Variants in TNRC18 observed in about 807,000 individuals in gnomAD.
TNRC18 encodes trinucleotide repeat containing 18.
Under a neutral mutation model 226.7 loss-of-function variants are expected in TNRC18, and 69 were observed. The ratio of observed to expected loss-of-function variants is 0.30; its 90% CI spans 0.25 to 0.37. TNRC18 has a LOEUF of 0.37. Among genes scored for constraint, TNRC18 ranks in the 10% least tolerant of loss-of-function variants. The probability of loss-of-function intolerance (pLI) is 1.00; values close to 1 mark genes in which losing one functional copy is unlikely to be tolerated. For synonymous variants in TNRC18, 2,449 were observed against 1,927.6 expected (o/e 1.27, Z -7.09); for missense variants, 4,754 against 4,256.6 (o/e 1.12, Z -3.25).
Position 5,370,908 on chromosome 7 carries a change from C to T in TNRC18, c.3686G>A (p.Arg1229Gln), listed in dbSNP as rs771867584. ...TTCTGTCCGGCCCGGGGAATCCACC[C>T]GTGGTTCAGGCCCCTCCACAAAGTC... ...CPDFVEGPEP[R>Q]VDSPGRTEPC... The change falls in exon 11 of 30, where the codon CGG becomes CAG. Residue 1229 changes from arginine to glutamine, a missense_variant. Arg to Gln is a conservative substitution (Grantham distance 43). Transcript: ENST00000430969. 1.2e-6 allele frequency: 2 copies of T among 1,605,904 alleles called. No homozygotes were observed. Among genetic ancestry groups the T allele is most frequent in the South Asian group, 1.1e-5 (1 of 91,080 alleles).
Position 5,377,312 on chromosome 7 carries a change from A to ACCCCCCCCCCCCCCCCCCC in TNRC18, c.2461+58_2461+59insGGGGGGGGGGGGGGGGGGG. 1 of 1,295,732 alleles carries ACCCCCCCCCCCCCCCCCCC rather than the reference A, an allele frequency of 7.7e-7. No homozygotes were observed. Among genetic ancestry groups the ACCCCCCCCCCCCCCCCCCC allele is most frequent in the Non-Finnish European group, 1.1e-6 (1 of 951,902 alleles). 80.3% of individuals were successfully genotyped at this position (1,295,732 alleles called of 1,614,324 possible). ...AGCCAGCCCTGAGCTCTTGTCCTGC[A>ACCCCCCCCCCCCCCCCCCC]CCCGCCCCCTCCCACCCCTCCCTCA... On this transcript the variant is annotated intron_variant, in intron 7 of 29. Transcript: ENST00000430969. The surrounding 1 kb of genome is among the most constrained non-coding windows in gnomAD (Gnocchi z 5.8).
chr7:5,388,883 C>A lies in TNRC18; in HGVS notation c.941G>T (p.Gly314Val). 7.4e-7 allele frequency: 1 copy of A among 1,343,084 alleles called. No homozygotes were observed. 83.2% of individuals were successfully genotyped at this position (1,343,084 alleles called of 1,614,324 possible). ...GAKEAARQDE[G>V]ARLLRRTETL... ...CTCCGTGCGCCGCAGCAGCCGCGCG[C>A]CCTCGTCCTGCCGGGCAGCCTCCTT... Residue 314 changes from glycine to valine, a missense_variant, in exon 5 of 30, where the codon GGC (glycine) becomes GTC (valine). Gly to Val is a moderately radical substitution (Grantham distance 109). Transcript: ENST00000430969.
intron 3 of TNRC18, among the ~76,000 whole-genome samples, chr7:5,391,838 A>G (rs1257974821): frequency 1.1e-5 from 1 of 94,388 alleles, no homozygotes; most frequent in Non-Finnish European, 1.9e-5. Context: ...CTCTATTTAA[A>G]AAAAAAAAAA....
chr7:5,402,989 G>A (rs144873684), intron 2 of TNRC18, among the ~76,000 whole-genome samples: 246 of 152,084 alleles, frequency 1.6e-3, no homozygotes, highest in Middle Eastern at 6.8e-3. Context: ...CTGTCAACGG[G>A]GAGAGGGATT....
intron 2 of TNRC18, among the ~76,000 whole-genome samples, chr7:5,396,597 G>A (rs1038062823): frequency 1.6e-4 from 25 of 152,172 alleles, no homozygotes; most frequent in Admixed American, 1.3e-4. Flanking sequence ...ACCAGGCACC[G>A]TGCAGCTGAT....
chr7:5,315,061 C>T lies in TNRC18; in HGVS notation c.6950G>A (p.Gly2317Asp). The change falls in exon 26 of 30, where the codon GGT (glycine) becomes GAT (aspartate). Residue 2317 changes from glycine (G) to aspartate (D), a missense_variant. Physicochemically the swap from Gly to Asp is moderately conservative, Grantham distance 94. Transcript: ENST00000430969. ...TGGCTCCTCCGACCCAGCCGTGCCA[C>T]CATCTTTGCCCTCCCCAGTGTCTTT... ...TSKDTGEGKD[G>D]GTAGSEEPGA... The T allele has an allele frequency of 1.2e-6, 2 of 1,611,726 alleles. No individual in the cohort carries two copies. The highest frequency in any genetic ancestry group is 8.5e-7 in the Non-Finnish European group (1 of 1,179,214).
In TNRC18 at chr7:5,324,227, C is replaced by A; in HGVS notation, c.6429G>T (p.Arg2143=). Residue 2143 remains arginine (R), a synonymous_variant, in exon 21 of 30, where the codon CGG becomes CGT. Coordinates refer to ENST00000430969, the MANE Select transcript of TNRC18 (RefSeq NM_001080495.3). This position sits in a 1 kb window ranked among gnomAD's most constrained non-coding sequence, Gnocchi z 4.8. ...EHLPRGGAVE[R]PLTPAPRSCI... The stretch of plus-strand genomic sequence containing the variant: ...ACGGCCACTCACCCGGGGTCAGCGG[C>A]CGCTCCACAGCCCCGCCACGCGGCA... 6.2e-7 allele frequency: 1 copy of A among 1,606,872 alleles called. No individual in the cohort carries two copies. The highest frequency in any genetic ancestry group is 8.5e-7 in the Non-Finnish European group (1 of 1,177,882).
intron 19 of TNRC18, among the ~76,000 whole-genome samples, chr7:5,329,256 T>TCTCAG (rs1789258401): frequency 6.7e-6 from 1 of 149,552 alleles, no homozygotes; most frequent in Non-Finnish European, 1.5e-5. Flanking sequence ...CGAGCCAAGA[T>TCTCAG]CTCACCACTG....
rs747318026 is a variant in TNRC18 at position 5,313,696 on chromosome 7, C to G, written c.7195G>C (p.Ala2399Pro). 6.3e-7 allele frequency: 1 copy of G among 1,599,736 alleles called. No individual in the cohort carries two copies. Residue 2399 changes from alanine (A) to proline (P), a missense_variant, in exon 27 of 30, where the codon GCA becomes CCA. Ala to Pro is a conservative substitution (Grantham distance 27, BLOSUM62 -1). Transcript: ENST00000430969. ...ARPAPPQPSP[A>P]PPAFTSCPAP... The stretch of plus-strand genomic sequence containing the variant: ...GGGCAGCTGGTGAAGGCGGGTGGTG[C>G]GGGACTGGGCTGCGGCGGTGCCGGG...
intron 11 of TNRC18, among the ~76,000 whole-genome samples, chr7:5,369,789 G>T (rs925498021): frequency 6.6e-6 from 1 of 152,180 alleles, no homozygotes; most frequent in Non-Finnish European, 1.5e-5. Flanking sequence ...TGCAACCCAA[G>T]AAATCCTGCT....
chr7:5,416,129 A>T (rs1353371176), intron 2 of TNRC18, among the ~76,000 whole-genome samples: 1 of 134,274 alleles, frequency 7.4e-6, no homozygotes, highest in Non-Finnish European at 1.6e-5. Context: ...AAAAAAAAAA[A>T]ATCAGCCAAG....
intron 2 of TNRC18, among the ~76,000 whole-genome samples, chr7:5,412,109 A>G (rs1781879300): frequency 6.6e-6 from 1 of 152,010 alleles, no homozygotes; most frequent in African/African-American, 2.4e-5. Flanking sequence ...GGCTCATTTG[A>G]GCCCAGGAGG....
intron 18 of TNRC18, among the ~76,000 whole-genome samples, chr7:5,334,440 G>A (rs1369127916): frequency 1.3e-5 from 2 of 150,788 alleles, no homozygotes; most frequent in Admixed American, 6.7e-5. Flanking sequence ...GGGACTACAG[G>A]TGCCCGCCAC....
intron 2 of TNRC18, among the ~76,000 whole-genome samples, chr7:5,408,716 G>A (rs1781647008): frequency 6.6e-6 from 1 of 152,176 alleles, no homozygotes; most frequent in African/African-American, 2.4e-5. Context: ...CTGGCACAGT[G>A]GAGAGTGGGG....
chr7:5,404,459 A>C (rs1781330183), intron 2 of TNRC18, among the ~76,000 whole-genome samples: 1 of 152,220 alleles, frequency 6.6e-6, no homozygotes, highest in Non-Finnish European at 1.5e-5. Flanking sequence ...TAGCATTACA[A>C]AGAAGTATTG....
Position 5,312,863 on chromosome 7 carries a change from G to A in TNRC18, c.8028C>T (p.Asp2676=). The change falls in exon 27 of 30, where the codon GAC becomes GAT. Residue 2676 remains aspartate, a synonymous_variant. Transcript: ENST00000430969. The surrounding 1 kb of genome is among the most constrained non-coding windows in gnomAD (Gnocchi z 6.3). ...CCTCATCGTCCGAGCTGCAGGAAGA[G>A]TCCTCGTCTGTGGTGGAGGAAGAAG... is the stretch of plus-strand genomic sequence containing the variant. ...SSSSSSTTDE[D]SSCSSDDEAA... is the part of the protein sequence containing the mutation. 1 of 1,528,136 alleles carries A rather than the reference G, an allele frequency of 6.5e-7. No individual in the cohort carries two copies. Among genetic ancestry groups the A allele is most frequent in the South Asian group, 1.3e-5 (1 of 76,982 alleles). The allele number at this position is 1,528,136 out of a possible 1,614,324, so 94.7% of individuals were successfully genotyped here.
chr7:5,315,247 A>T (rs1280894080), intron 25 of TNRC18, 99 bp from the exon 26 acceptor site: 1 of 1,318,734 alleles, frequency 7.6e-7, no homozygotes, highest in Admixed American at 2.7e-5. Flanking sequence ...TGGGGGCGGA[A>T]GCAACCGACA....
Position 5,308,082 on chromosome 7 carries a change from G to T in TNRC18, c.*24C>A. 6.5e-7 allele frequency: 1 copy of T among 1,540,156 alleles called. No individual in the cohort carries two copies. Among genetic ancestry groups the T allele is most frequent in the Non-Finnish European group, 8.8e-7 (1 of 1,139,782 alleles). On this transcript the variant is annotated 3_prime_UTR_variant, in exon 30 of 30. Coordinates refer to ENST00000430969, the MANE Select transcript of TNRC18 (RefSeq NM_001080495.3). ...GGTCCCTGGCCGCCCTCGGGGCACAGGTGGCCCGCAGGGCCCGGCGGGCTC... is the reference window on the plus strand; with the variant it reads ...GGTCCCTGGCCGCCCTCGGGGCACATGTGGCCCGCAGGGCCCGGCGGGCTC...
At chr7:5,340,749 A>G (rs1055270775) in intron 18 of TNRC18, among the ~76,000 whole-genome samples, 13 of 148,996 alleles carry the variant, frequency 8.7e-5, no homozygotes, top group Admixed American at 2.0e-4. Flanking sequence ...TCTCAGAGAA[A>G]AAAAAAAAAA....
Sources: gnomAD v4.1 joint callset for allele counts (sites outside exome capture counted in the v4.1 genomes callset) on GRCh38, gnomAD v4.1.1 for gene constraint, Gnocchi (gnomAD v3.1) non-coding constraint, MANE v1.5 for transcripts, NCBI Gene and HGNC (gene_info 2026-07-23, HGNC 2026-07-21) for gene names.